GNAI3: variants seen among roughly 807,000 people sequenced by gnomAD.
The protein encoded by GNAI3 is G protein subunit alpha i3, also known as guanine nucleotide-binding protein G(i) subunit alpha-3.
GNAI3 carries 12 observed loss-of-function variants against 41.8 expected under a neutral mutation model. That is an observed-to-expected ratio of 0.29 (90% CI 0.18 to 0.47). GNAI3 has a LOEUF of 0.47. GNAI3 is among the 20% of genes least tolerant of loss of function. The pLI, the probability that GNAI3 is intolerant of heterozygous loss-of-function variation, is 1.00. For synonymous variants in GNAI3, 132 were observed against 146.5 expected (o/e 0.90, Z 0.71); for missense variants, 360 against 429.6 (o/e 0.84, Z 1.43).
At chr1:109,577,618 C>T (rs1307911051) in intron 3 of GNAI3, among the ~76,000 whole-genome samples, 1 of 152,102 alleles carries the variant, frequency 6.6e-6, no homozygotes, top group African/African-American at 2.4e-5. Context: ...CGCCATGCCA[C>T]CCTGAATGCG....
intron 3 of GNAI3, among the ~76,000 whole-genome samples, chr1:109,576,869 G>A (rs1283852951): frequency 2.0e-5 from 3 of 152,114 alleles, no homozygotes; most frequent in East Asian, 3.9e-4. Context: ...TTGTGGGGAA[G>A]CAAGAGCAGG....
At chr1:109,563,396 A>C (rs1261085969) in intron 1 of GNAI3, among the ~76,000 whole-genome samples, 1 of 152,146 alleles carries the variant, frequency 6.6e-6, no homozygotes, top group East Asian at 1.9e-4. Context: ...GAAGACAAAC[A>C]AACAAACAAA....
At chr1:109,580,273 C>T (rs546665908) in intron 4 of GNAI3, among the ~76,000 whole-genome samples, 44 of 152,308 alleles carry the variant, frequency 2.9e-4, no homozygotes, top group South Asian at 2.3e-3. Flanking sequence ...GCTGGGATTA[C>T]AGGCGTGAGC....
In GNAI3 at chr1:109,599,703, TG is replaced by T. The variant is rs1212569067; in HGVS notation, c.*7382del. On this transcript the variant is annotated 3_prime_UTR_variant, in exon 9 of 9. Coordinates refer to ENST00000369851, the MANE Select transcript of GNAI3 (RefSeq NM_006496.4). ...AAACAAGCAAACTTAGTTATATTTT[TG>T]TGATTTTATGCTGTTTTCATATTCT... is the stretch of plus-strand genomic sequence containing the variant. 11 of 152,366 alleles carry T rather than the reference TG, an allele frequency of 7.2e-5. No homozygotes were observed. Among genetic ancestry groups the T allele is most frequent in the African/African-American group, 2.2e-4 (9 of 41,580 alleles). The allele number at this position is 152,366 out of a possible 1,614,324, so 9.4% of individuals were successfully genotyped here. A position where few individuals can be genotyped will look rare whatever the true frequency, so the allele number is the denominator to read the frequency against.
chr1:109,567,152 A>G (rs1306498757), intron 1 of GNAI3, among the ~76,000 whole-genome samples: 4 of 152,172 alleles, frequency 2.6e-5, no homozygotes, highest in Non-Finnish European at 4.4e-5. Context: ...ATGTCTGATA[A>G]TGGGGGCCCG....
rs1163075174 is a variant in GNAI3, at chr1:109,548,692, G to C, written c.-29G>C. 2 of 1,501,558 alleles carry C rather than the reference G, an allele frequency of 1.3e-6. No individual in the cohort carries two copies. Among genetic ancestry groups the C allele is most frequent in the Non-Finnish European group, 1.9e-6 (2 of 1,079,390 alleles). 93.0% of individuals were successfully genotyped at this position (1,501,558 alleles called of 1,614,324 possible). ...CAGTTTCCGTGGTGTGAGTGAGTCC[G>C]GGCCCGTGTCCCCTCTCCCGCCGCC... On this transcript the variant is annotated 5_prime_UTR_variant, in exon 1 of 9. Transcript: ENST00000369851.
At chr1:109,586,124 A>C (rs1649027337) in intron 5 of GNAI3, 92 bp from the exon 6 acceptor site, 1 of 1,013,608 alleles carries the variant, frequency 9.9e-7, no homozygotes, top group Non-Finnish European at 1.4e-6. Flanking sequence ...GAAGTTTTGA[A>C]TATGTAATAG....
intron 1 of GNAI3, among the ~76,000 whole-genome samples, chr1:109,550,573 G>T (rs868234847): frequency 8.0e-5 from 12 of 150,578 alleles, no homozygotes; most frequent in Admixed American, 6.6e-4. Flanking sequence ...TCCCTCTGTT[G>T]CCTAGGCTGG....
intron 7 of GNAI3, among the ~76,000 whole-genome samples, chr1:109,588,965 A>G (rs1006994712): frequency 7.2e-5 from 11 of 152,066 alleles, no homozygotes; most frequent in African/African-American, 2.7e-4. Flanking sequence ...AGTCAGAGGT[A>G]CTCCCAGGTT....
rs1208530362 is a variant in GNAI3 at position 109,593,251 on chromosome 1, G to C, written c.*929G>C. 6.6e-6 allele frequency: 1 copy of C among 152,636 alleles called. No homozygotes were observed. The highest frequency in any genetic ancestry group is 1.5e-5 in the Non-Finnish European group (1 of 68,052). 9.5% of individuals were successfully genotyped at this position (152,636 alleles called of 1,614,324 possible). On this transcript the variant is annotated 3_prime_UTR_variant, in exon 9 of 9. Transcript: ENST00000369851. ...AGTTATAGGGAGTTTTGTACATGGT[G>C]CCTCTTGTTTTCCATCTTCATGGCC... is the stretch of plus-strand genomic sequence containing the variant.
chr1:109,582,426 C>A lies in GNAI3; in HGVS notation c.462-11C>A. 2 of 1,602,460 alleles carry A rather than the reference C, an allele frequency of 1.2e-6. No individual in the cohort carries two copies. The highest frequency in any genetic ancestry group is 1.7e-6 in the Non-Finnish European group (2 of 1,169,946). ...CTTCACCAAGTAAAAGTAAACGTGT[C>A]TTTTATTTAGTTATCTAAATGATCT... On this transcript the variant is annotated splice_polypyrimidine_tract_variant and intron_variant, in intron 4 of 8. Coordinates refer to ENST00000369851, the MANE Select transcript of GNAI3 (RefSeq NM_006496.4).
At chr1:109,563,239 G>A (rs1301522191) in intron 1 of GNAI3, among the ~76,000 whole-genome samples, 4 of 152,102 alleles carry the variant, frequency 2.6e-5, no homozygotes, top group Admixed American at 6.5e-5. Flanking sequence ...AAAATTAGCC[G>A]GTGTGGTGAT....
At chr1:109,587,537 A>G (rs918649203) in intron 7 of GNAI3, among the ~76,000 whole-genome samples, 2 of 152,160 alleles carry the variant, frequency 1.3e-5, no homozygotes, top group Admixed American at 6.5e-5. Flanking sequence ...TTTAGAAAAG[A>G]GGAATTGCAT....
chr1:109,575,957 C>T (rs1648730710), intron 3 of GNAI3, among the ~76,000 whole-genome samples: 1 of 152,244 alleles, frequency 6.6e-6, no homozygotes, highest in African/African-American at 2.4e-5. Flanking sequence ...CTGGTGTCCA[C>T]ACAACCTAGT....
At position 109,592,587 on chromosome 1, in the gene GNAI3, A is replaced by T. The variant is rs1483251786; in HGVS notation, c.*265A>T. ...TTGGATTTCTTAATCTTAAATGCTT[A>T]TGGAAGATGTGAAGTTGAGGTGCTG... On this transcript the variant is annotated 3_prime_UTR_variant, in exon 9 of 9. Transcript: ENST00000369851. 1 of 164,440 alleles carries T rather than the reference A, an allele frequency of 6.1e-6. No individual in the cohort carries two copies. Among genetic ancestry groups the T allele is most frequent in the Non-Finnish European group, 1.3e-5 (1 of 76,074 alleles). The allele number at this position is 164,440 out of a possible 1,614,324, so 10.2% of individuals were successfully genotyped here. A position where few individuals can be genotyped will look rare whatever the true frequency, so the allele number is the denominator to read the frequency against.
chr1:109,588,307 G>A (rs897241274), intron 7 of GNAI3, among the ~76,000 whole-genome samples: 9 of 151,694 alleles, frequency 5.9e-5, no homozygotes, highest in Non-Finnish European at 1.0e-4. Flanking sequence ...GCATGAACCC[G>A]GGAGGCAGAG....
intron 1 of GNAI3, among the ~76,000 whole-genome samples, chr1:109,566,126 G>C (rs142639967): frequency 0.013 from 1,923 of 152,318 alleles, 25 homozygotes; most frequent in Non-Finnish European, 0.019. Context: ...ATCTGTGCCA[G>C]CCACCAGGGT....
At chr1:109,556,182 G>C (rs548009053) in intron 1 of GNAI3, among the ~76,000 whole-genome samples, 44 of 152,030 alleles carry the variant, frequency 2.9e-4, no homozygotes, top group African/African-American at 1.0e-3. Flanking sequence ...CTCCTGAGTA[G>C]CTTGGACTAC....
chr1:109,584,388 A>C (rs987158107), intron 5 of GNAI3, among the ~76,000 whole-genome samples: 3 of 152,222 alleles, frequency 2.0e-5, no homozygotes, highest in African/African-American at 4.8e-5. Flanking sequence ...TTCTTTGTAT[A>C]AGGTTTGTAA....
Sources: gnomAD v4.1 joint callset for allele counts (sites outside exome capture counted in the v4.1 genomes callset) on GRCh38, gnomAD v4.1.1 for gene constraint, MANE v1.5 for transcripts, NCBI Gene and HGNC (gene_info 2026-07-23, HGNC 2026-07-21) for gene names.